DENND1A: variants seen among roughly 807,000 people sequenced by gnomAD.
The protein encoded by DENND1A is DENN domain containing 1A, also known as DENN domain-containing protein 1A.
A neutral mutation model predicts 113.7 loss-of-function variants in DENND1A; 51 were observed. The ratio of observed to expected loss-of-function variants is 0.45; its 90% confidence interval spans 0.36 to 0.57. The LOEUF (loss-of-function observed/expected upper bound fraction) is 0.57. Ranked by LOEUF, DENND1A falls within the 20% of genes least tolerant of loss-of-function variation. The pLI is 0.00. For missense variants in DENND1A, 1,258 were observed against 1,395.9 expected, an observed-to-expected ratio of 0.90 and a Z score of 1.57; for synonymous variants, 565 against 570.8, an observed-to-expected ratio of 0.99 and a Z score of 0.14.
At chr9:123,566,942 A>ACACACACACACAC (rs1554883243) in intron 12 of DENND1A, among the ~76,000 whole-genome samples, 1 of 73,072 alleles carries the variant, frequency 1.4e-5, no homozygotes, top group East Asian at 3.1e-4. Flanking sequence ...CACACACACA[A>ACACACACACACAC]ACACACACAC....
At chr9:123,789,975 GGGGGAATT>G (rs1335950172) in intron 3 of DENND1A, among the ~76,000 whole-genome samples, 1 of 144,736 alleles carries the variant, frequency 6.9e-6, no homozygotes, top group Non-Finnish European at 1.5e-5. Context: ...AACTGGGGGA[GGGGGAATT>G]TGTGTGTGTG....
At chr9:123,583,145 G>C (rs771697741) in intron 12 of DENND1A, 24 bp downstream of exon 12, 79 of 1,549,278 alleles carry the variant, frequency 5.1e-5, no homozygotes, top group Non-Finnish European at 5.9e-5. Flanking sequence ...ACAGAAGTGA[G>C]ATCCTCGCAA....
chr9:123,562,511 C>T (rs1332098190), intron 12 of DENND1A, among the ~76,000 whole-genome samples: 1 of 152,114 alleles, frequency 6.6e-6, no homozygotes, highest in Non-Finnish European at 1.5e-5. Context: ...GAAAAACATG[C>T]AGGTTGCAGA....
At chr9:123,534,536 C>A (rs879408498) in intron 13 of DENND1A, among the ~76,000 whole-genome samples, 6 of 152,160 alleles carry the variant, frequency 3.9e-5, no homozygotes, top group Non-Finnish European at 8.8e-5. Context: ...AGAGTTTCAA[C>A]TTTATAAGAT....
intron 12 of DENND1A, among the ~76,000 whole-genome samples, chr9:123,574,945 C>T (rs1668491507): frequency 6.6e-6 from 1 of 152,148 alleles, no homozygotes; most frequent in African/African-American, 2.4e-5. Flanking sequence ...TTTTTCTATC[C>T]CAAGATCCAA....
chr9:123,851,195 C>T (rs1037864099), intron 2 of DENND1A, among the ~76,000 whole-genome samples: 15 of 152,222 alleles, frequency 9.9e-5, no homozygotes, highest in African/African-American at 3.6e-4. Flanking sequence ...CTCCCCACCA[C>T]CCATCCCTAG....
At chr9:123,683,678 T>C (rs533482376) in intron 5 of DENND1A, among the ~76,000 whole-genome samples, 2 of 152,336 alleles carry the variant, frequency 1.3e-5, no homozygotes, top group African/African-American at 4.8e-5. Context: ...ACATTAAAAC[T>C]CCCCATCGTT....
At chr9:123,391,899 G>C (rs1413115036) in intron 21 of DENND1A, among the ~76,000 whole-genome samples, 1 of 152,022 alleles carries the variant, frequency 6.6e-6, no homozygotes, top group Non-Finnish European at 1.5e-5. Context: ...CGGCAAACTT[G>C]GCTGCCCAGC....
At chr9:123,579,105 A>T (rs2058762967) in intron 12 of DENND1A, among the ~76,000 whole-genome samples, 1 of 152,214 alleles carries the variant, frequency 6.6e-6, no homozygotes, top group Admixed American at 6.5e-5. Context: ...ATCATGAAGG[A>T]GGGCTGAATG....
At chr9:123,690,042 G>A (rs1318418814) in intron 5 of DENND1A, among the ~76,000 whole-genome samples, 75 of 121,586 alleles carry the variant, frequency 6.2e-4, no homozygotes, top group Non-Finnish European at 4.4e-4. Flanking sequence ...GAAAAGGAGG[G>A]AAGAAGGAAA....
chr9:123,798,996 G>C (rs1337099065), intron 2 of DENND1A, among the ~76,000 whole-genome samples: 1 of 151,942 alleles, frequency 6.6e-6, no homozygotes, highest in African/African-American at 2.4e-5. Context: ...TTTTGAATGA[G>C]TAACCTGAAG....
chr9:123,900,811 G>T (rs537272469), intron 1 of DENND1A, among the ~76,000 whole-genome samples: 1 of 152,166 alleles, frequency 6.6e-6, no homozygotes, highest in Non-Finnish European at 1.5e-5. Context: ...TTCCACACTT[G>T]ATAGCTCTGT....
At chr9:123,384,524 G>A (rs2042457539) in intron 22 of DENND1A, among the ~76,000 whole-genome samples, 1 of 152,232 alleles carries the variant, frequency 6.6e-6, no homozygotes, top group Non-Finnish European at 1.5e-5. Context: ...GTGGTTACAT[G>A]AGCAAATGCG....
chr9:123,809,469 C>T (rs569821668), intron 2 of DENND1A, among the ~76,000 whole-genome samples: 116 of 152,212 alleles, frequency 7.6e-4, no homozygotes, highest in Non-Finnish European at 1.2e-3. Flanking sequence ...GATCTAAAAG[C>T]CTGAGACAAC....
chr9:123,573,982 T>A (rs1027003688), intron 12 of DENND1A, among the ~76,000 whole-genome samples: 1 of 152,062 alleles, frequency 6.6e-6, no homozygotes, highest in African/African-American at 2.4e-5. Context: ...CCTAAATTTT[T>A]TTTTTCATAT....
intron 12 of DENND1A, among the ~76,000 whole-genome samples, chr9:123,565,005 T>C (rs972209532): frequency 2.8e-5 from 4 of 142,378 alleles, no homozygotes; most frequent in African/African-American, 8.6e-5. Context: ...TTTTTTTTTT[T>C]CAGATGGAGT....
intron 13 of DENND1A, among the ~76,000 whole-genome samples, chr9:123,490,344 C>G (rs77568959): frequency 6.6e-6 from 1 of 152,112 alleles, no homozygotes; most frequent in East Asian, 1.9e-4. Context: ...CCAGCACAGT[C>G]GGAGGCGGAG....
intron 13 of DENND1A, among the ~76,000 whole-genome samples, chr9:123,556,519 C>T (rs951914225): frequency 6.6e-6 from 1 of 152,210 alleles, no homozygotes; most frequent in Non-Finnish European, 1.5e-5. Context: ...GTCTCACATC[C>T]CCTCATCTTT....
chr9:123,691,710 T>C (rs896298581), intron 5 of DENND1A, among the ~76,000 whole-genome samples: 1 of 151,820 alleles, frequency 6.6e-6, no homozygotes, highest in Non-Finnish European at 1.5e-5. Context: ...AGTGGACAGA[T>C]CTGATGGGTT....
Sources: gnomAD v4.1 joint callset for allele counts (sites outside exome capture counted in the v4.1 genomes callset) on GRCh38, gnomAD v4.1.1 for gene constraint, MANE v1.5 for transcripts, NCBI Gene and HGNC (gene_info 2026-07-23, HGNC 2026-07-21) for gene names.